Variants in RPL3 observed in about 807,000 individuals in gnomAD.
RPL3 encodes large ribosomal subunit protein uL3.
A neutral mutation model predicts 46.0 loss-of-function variants in RPL3; 3 were observed. The ratio of observed to expected loss-of-function variants is 0.07; its 90% CI spans 0.03 to 0.17. The LOEUF is 0.17. Ranked by LOEUF, RPL3 falls within the 10% of genes least tolerant of loss-of-function variation. RPL3 has a pLI of 1.00. For missense variants in RPL3, 387 were observed against 532.7 expected, an observed-to-expected ratio of 0.73 and a Z score of 2.69; for synonymous variants, 224 against 190.8, an observed-to-expected ratio of 1.17 and a Z score of -1.43.
rs1276622874 is a variant in RPL3 at position 39,312,945 on chromosome 22, C to G, written c.1207G>C (p.Ala403Pro). 1.2e-6 allele frequency: 2 copies of G among 1,614,152 alleles called. No homozygotes were observed. Among genetic ancestry groups the G allele is most frequent in the Non-Finnish European group, 1.7e-6 (2 of 1,179,976 alleles). ...TGCAAAATCTGTTCCTGGCATTAAG[C>G]TCCTTCTTCCTTTGCAATTCGGTCT... ...KKDRIAKEEGA is the reference protein window; with the variant it reads ...KKDRIAKEEGP The change falls in exon 10 of 10, where the codon GCT becomes CCT. Residue 403 changes from alanine to proline, a missense_variant. Physicochemically the swap from Ala to Pro is conservative, Grantham distance 27. Transcript: ENST00000216146.
intron 1 of RPL3, 98 bp downstream of exon 1, chr22:39,319,497 A>AC: frequency 1.3e-6 from 2 of 1,518,122 alleles, no homozygotes. Flanking sequence ...CCTAAAGCAA[A>AC]CCCCCGGCGC....
chr22:39,315,311 G>A (rs756075233), intron 5 of RPL3, 58 bp downstream of exon 5: 1 of 1,607,370 alleles, frequency 6.2e-7, no homozygotes, highest in Non-Finnish European at 8.5e-7. Context: ...GAACAGCTGG[G>A]CCTGAAACCA....
chr22:39,317,657 T>C (rs372915912), intron 2 of RPL3, 28 bp from the exon 3 acceptor site: 98 of 1,608,564 alleles, frequency 6.1e-5, no homozygotes, highest in Non-Finnish European at 7.8e-5. Context: ...TAGTCAGACT[T>C]GGCAGGAGCC....
rs1004590264 is a variant in RPL3 at position 39,318,287 on chromosome 22, T to C, written c.196+113A>G. 9 of 1,069,472 alleles carry C rather than the reference T, an allele frequency of 8.4e-6. No individual in the cohort carries two copies. In the African/African-American group the frequency reaches 1.1e-4, roughly 13 times the overall value. 66.2% of individuals were successfully genotyped at this position (1,069,472 alleles called of 1,614,324 possible). The stretch of plus-strand genomic sequence containing the variant: ...CTGTCGCAGCAGTTCTGACAACGTG[T>C]AACTCCTGCTTAAAAAAAAAAGTCT... On this transcript the variant is annotated intron_variant, in intron 2 of 9. Transcript: ENST00000216146.
At chr22:39,314,076 G>T in intron 7 of RPL3, 31 bp downstream of exon 7, 1 of 1,583,718 alleles carries the variant, frequency 6.3e-7, no homozygotes. Flanking sequence ...GGCCTGGGAT[G>T]GCCTCACAGA....
intron 8 of RPL3, 123 bp downstream of exon 8, chr22:39,313,511 G>A: frequency 1.6e-6 from 2 of 1,241,054 alleles, no homozygotes; most frequent in East Asian, 2.3e-5. Context: ...TTCAAAGCCA[G>A]TGTGAAAGGA....
Position 39,313,698 on chromosome 22 carries a change from T to A in RPL3, c.983A>T (p.Asn328Ile), listed in dbSNP as rs930612882. 6.2e-7 allele frequency: 1 copy of A among 1,613,978 alleles called. No individual in the cohort carries two copies. The highest frequency in any genetic ancestry group is 1.1e-5 in the South Asian group (1 of 91,090). The change falls in exon 8 of 10, where the codon AAT becomes ATT. Residue 328 changes from asparagine (N) to isoleucine (I), a missense_variant. Asn to Ile is a moderately radical substitution (Grantham distance 149). Transcript: ENST00000216146. ...ACAGCCTTTCAGCATGACAAAGTCA[T>A]TGGTCACTTCACCATAGTGGACAAA... is the stretch of plus-strand genomic sequence containing the variant. ...GGFVHYGEVTNDFVMLKGCVV... is the reference protein window; with the variant it reads ...GGFVHYGEVTIDFVMLKGCVV...
chr22:39,317,099 C>A, intron 3 of RPL3: 1 of 626,640 alleles, frequency 1.6e-6, no homozygotes, highest in South Asian at 2.0e-5. Context: ...ACCTTTCTGC[C>A]CTGGGGAAGC....
At chr22:39,313,563 C>A in intron 8 of RPL3, 71 bp downstream of exon 8, 1 of 1,461,848 alleles carries the variant, frequency 6.8e-7, no homozygotes, top group Non-Finnish European at 9.5e-7. Context: ...CACCACAGGG[C>A]CACCAGCGTC....
chr22:39,318,613 C>G (rs201176821), intron 1 of RPL3, 21 bp from the exon 2 acceptor site: 1 of 1,584,742 alleles, frequency 6.3e-7, no homozygotes, highest in Non-Finnish European at 8.6e-7. Context: ...AAAAAATCAC[C>G]GTCAGCACCC....
intron 7 of RPL3, 169 bp from the exon 8 acceptor site, chr22:39,313,898 C>T: frequency 1.2e-6 from 1 of 845,268 alleles, no homozygotes; most frequent in Non-Finnish European, 2.0e-6. Flanking sequence ...TTCCAGGCCT[C>T]ATCACTGAAC....
intron 2 of RPL3, 56 bp from the exon 3 acceptor site, chr22:39,317,685 GT>G: frequency 6.3e-7 from 1 of 1,589,624 alleles, no homozygotes. Context: ...GGGGTGTAAT[GT>G]TTTCTAGGAA....
chr22:39,314,252 A>G, intron 6 of RPL3, 44 bp from the exon 7 acceptor site: 1 of 1,542,464 alleles, frequency 6.5e-7, no homozygotes, highest in Non-Finnish European at 9.0e-7. Flanking sequence ...TTAGGGACAA[A>G]TAACCCAGAC....
chr22:39,317,017 C>T (rs774819115), intron 3 of RPL3, 176 bp from the exon 4 acceptor site: 117 of 909,346 alleles, frequency 1.3e-4, no homozygotes, highest in South Asian at 1.3e-3. Flanking sequence ...CAGAGCCGAG[C>T]GGAGCTGAGC....
At chr22:39,317,047 T>C in intron 3 of RPL3, 1 of 728,778 alleles carries the variant, frequency 1.4e-6, no homozygotes, top group Non-Finnish European at 2.3e-6. Context: ...CAAGGTTAAT[T>C]TAAGTTACAC....
chr22:39,317,810 A>G, intron 2 of RPL3, 181 bp from the exon 3 acceptor site: 1 of 632,310 alleles, frequency 1.6e-6, no homozygotes, highest in South Asian at 2.2e-5. Flanking sequence ...TATGTTATTC[A>G]AACAAAAAAT....
intron 1 of RPL3, 124 bp from the exon 2 acceptor site, chr22:39,318,716 C>G: frequency 1.2e-6 from 1 of 807,194 alleles, no homozygotes. Context: ...CCCAGCAAGC[C>G]GAATAAAAAG....
At chr22:39,313,392 G>A (rs975689567) in intron 8 of RPL3, 82 bp from the exon 9 acceptor site, 3 of 1,578,606 alleles carry the variant, frequency 1.9e-6, no homozygotes, top group Non-Finnish European at 2.6e-6. Flanking sequence ...CCTGCATCTG[G>A]GAAGCCACAC....
At chr22:39,318,699 C>A (rs1569498) in intron 1 of RPL3, 107 bp from the exon 2 acceptor site, 1 of 912,144 alleles carries the variant, frequency 1.1e-6, no homozygotes, top group Non-Finnish European at 1.6e-6. Flanking sequence ...AGAATCCTGA[C>A]CAGACACCCA....
Sources: gnomAD v4.1 joint callset for allele counts on GRCh38, gnomAD v4.1.1 for gene constraint, MANE v1.5 for transcripts, NCBI Gene and HGNC (gene_info 2026-07-23, HGNC 2026-07-21) for gene names.